Variants in BEND3 observed in about 807,000 individuals in gnomAD.
The protein encoded by BEND3 is BEN domain containing 3.
A neutral mutation model predicts 60.1 loss-of-function variants in BEND3; 13 were observed. That is an observed-to-expected ratio of 0.22 (90% CI 0.14 to 0.34). The LOEUF is 0.34. Ranked by LOEUF, BEND3 falls within the 10% of genes least tolerant of loss-of-function variation. The pLI, the probability that BEND3 is intolerant of heterozygous loss-of-function variation, is 1.00. For missense variants in BEND3, 896 were observed against 1,138.1 expected, an observed-to-expected ratio of 0.79 and a Z score of 3.06; for synonymous variants, 497 against 491.5, an observed-to-expected ratio of 1.01 and a Z score of -0.15.
intron 3 of BEND3, among the ~76,000 whole-genome samples, chr6:107,074,673 T>C (rs1775063044): frequency 6.6e-6 from 1 of 152,124 alleles, no homozygotes; most frequent in Admixed American, 6.6e-5. Flanking sequence ...TCTGGCATTA[T>C]TTCTTTAAAA....
At chr6:107,098,152 T>G (rs782064767) in intron 3 of BEND3, among the ~76,000 whole-genome samples, 7 of 152,128 alleles carry the variant, frequency 4.6e-5, no homozygotes, top group Non-Finnish European at 4.4e-5. Context: ...TCTATTTAAA[T>G]AAGTGAATGA....
rs1167522961 is a variant in BEND3 at position 107,069,070 on chromosome 6, C to A, written c.2121G>T (p.Val707=). The change falls in exon 4 of 4, where the codon GTG becomes GTT. Residue 707 remains valine (V), a synonymous_variant. Coordinates refer to ENST00000369042, the MANE Select transcript of BEND3 (RefSeq NM_001367314.1). The stretch of plus-strand genomic sequence containing the variant: ...GCACCGGGAAGTCAGGCGAGGGGAC[C>A]ACCAGCTCGTCCAAGGGGATCTTGC... ...DFCKIPLDEL[V]VPSPDFPVPS... 1.2e-6 allele frequency: 2 copies of A among 1,613,326 alleles called. No individual in the cohort carries two copies. Among genetic ancestry groups the A allele is most frequent in the Admixed American group, 1.7e-5 (1 of 60,004 alleles).
chr6:107,079,812 G>T (rs1775185838), intron 3 of BEND3, among the ~76,000 whole-genome samples: 1 of 151,980 alleles, frequency 6.6e-6, no homozygotes. Context: ...TAACTCGTTT[G>T]TTTTATGGAT....
chr6:107,094,189 T>C (rs1361874516), intron 3 of BEND3, among the ~76,000 whole-genome samples: 2 of 151,382 alleles, frequency 1.3e-5, no homozygotes, highest in South Asian at 2.1e-4. Context: ...CTGGGCAACA[T>C]AGCAAGATGC....
intron 3 of BEND3, among the ~76,000 whole-genome samples, chr6:107,097,405 A>G (rs969112678): frequency 6.6e-6 from 1 of 151,962 alleles, no homozygotes; most frequent in Non-Finnish European, 1.5e-5. Flanking sequence ...CAAATAAATT[A>G]GAGAAACAAG....
chr6:107,093,627 G>C (rs1554235554), intron 3 of BEND3, among the ~76,000 whole-genome samples: 2 of 152,194 alleles, frequency 1.3e-5, no homozygotes, highest in African/African-American at 4.8e-5. Flanking sequence ...ACAGTCAACG[G>C]AAGCAATACG....
chr6:107,070,728 G>C lies in BEND3; in HGVS notation c.463C>G (p.Leu155Val). 1 of 1,613,908 alleles carries C rather than the reference G, an allele frequency of 6.2e-7. No homozygotes were observed. Among genetic ancestry groups the C allele is most frequent in the South Asian group, 1.1e-5 (1 of 91,072 alleles). ...PSGDLLNVYELFEKANASNSP... is the reference protein window; with the variant it reads ...PSGDLLNVYEVFEKANASNSP... ...TTGCTGGCGTTTGCCTTCTCAAAGA[G>C]CTCGTACACGTTTAGCAGGTCCCCC... The change falls in exon 4 of 4, where the codon CTC becomes GTC. Residue 155 changes from leucine (L) to valine (V), a missense_variant. This residue lies in a region of BEND3 where 846 missense variants were observed against 1,036.7 expected (regional missense o/e 0.82). Transcript: ENST00000369042. The surrounding 1 kb of genome is among the most constrained non-coding windows in gnomAD (Gnocchi z 6.9).
chr6:107,086,257 C>T (rs997171496), intron 3 of BEND3, among the ~76,000 whole-genome samples: 35 of 152,186 alleles, frequency 2.3e-4, no homozygotes, highest in African/African-American at 8.0e-4. Context: ...CTCATCCTGT[C>T]CCACTTAAGG....
At chr6:107,071,046 C>A in intron 3 of BEND3, 96 bp from the exon 4 acceptor site, 3 of 1,209,920 alleles carry the variant, frequency 2.5e-6, no homozygotes, top group Non-Finnish European at 3.4e-6. Flanking sequence ...CCGAGGTCAA[C>A]CTTGGGAGCA....
intron 3 of BEND3, among the ~76,000 whole-genome samples, chr6:107,089,596 AAGG>A: frequency 8.5e-6 from 1 of 117,980 alleles, no homozygotes; most frequent in African/African-American, 2.8e-5. Context: ...GAAAAAAAAA[AAGG>A]ATTTTTTTTT....
In BEND3 at chr6:107,074,346, C is replaced by T. The variant is rs542495287; in HGVS notation, c.241-3396G>A. Reference sequence around the variant, plus strand: ...AGGAGAACTGCTTGAACCTGGGAGGCGGAGGTTGCAGTGAGCCAAGATCGT... The same window carrying T: ...AGGAGAACTGCTTGAACCTGGGAGGTGGAGGTTGCAGTGAGCCAAGATCGT... On this transcript the variant is annotated intron_variant, in intron 3 of 3. Coordinates refer to ENST00000369042, the MANE Select transcript of BEND3 (RefSeq NM_001367314.1). Among the ~76,000 whole-genome samples the T allele has an allele frequency of 7.2e-5, 11 of 152,074 alleles. No individual in the cohort carries two copies. The East Asian group carries it at 1.4e-3, about 19-fold the overall frequency.
chr6:107,077,942 G>A (rs372629369), intron 3 of BEND3, among the ~76,000 whole-genome samples: 24 of 151,766 alleles, frequency 1.6e-4, no homozygotes, highest in African/African-American at 5.6e-4. Context: ...AAAAATAAAC[G>A]AAAAACCCCA....
In BEND3 at chr6:107,066,944, C is replaced by G. The variant is rs1319302350; in HGVS notation, c.*1760G>C. ...TCACTTCAGCTTTTAGTAAGCAGTG[C>G]GTGTGTGCATGAGTAGCTGTGTAAG... is the stretch of plus-strand genomic sequence containing the variant. On this transcript the variant is annotated 3_prime_UTR_variant, in exon 4 of 4. Coordinates refer to ENST00000369042, the MANE Select transcript of BEND3 (RefSeq NM_001367314.1). The G allele has an allele frequency of 6.6e-6, 1 of 152,108 alleles. No individual in the cohort carries two copies. The highest frequency in any genetic ancestry group is 1.5e-5 in the Non-Finnish European group (1 of 68,010). The allele number at this position is 152,108 out of a possible 1,614,324, so 9.4% of individuals were successfully genotyped here. A position where few individuals can be genotyped will look rare whatever the true frequency, so the allele number is the denominator to read the frequency against.
intron 3 of BEND3, among the ~76,000 whole-genome samples, chr6:107,074,283 C>T (rs1465321861): frequency 6.6e-6 from 1 of 151,772 alleles, no homozygotes; most frequent in Admixed American, 6.6e-5. Context: ...GGTGTGGTGG[C>T]GCGTGCTTGT....
chr6:107,088,082 C>G (rs1483618160), intron 3 of BEND3, among the ~76,000 whole-genome samples: 2 of 147,762 alleles, frequency 1.4e-5, no homozygotes. Context: ...GCAATCTTGG[C>G]TCACTGCAGC....
At chr6:107,103,465 G>A (rs1775742184) in intron 1 of BEND3, among the ~76,000 whole-genome samples, 1 of 152,136 alleles carries the variant, frequency 6.6e-6, no homozygotes, top group African/African-American at 2.4e-5. Flanking sequence ...CATTCCCTTT[G>A]CCTCCTGGAC....
chr6:107,087,054 A>C (rs1363918346), intron 3 of BEND3, among the ~76,000 whole-genome samples: 2 of 151,150 alleles, frequency 1.3e-5, no homozygotes, highest in Non-Finnish European at 2.9e-5. Flanking sequence ...AAAAGAAAAA[A>C]AAACTACAAG....
intron 3 of BEND3, among the ~76,000 whole-genome samples, chr6:107,085,826 G>A (rs377729510): frequency 2.0e-4 from 28 of 141,426 alleles, no homozygotes; most frequent in African/African-American, 5.6e-4. Flanking sequence ...TTGCTCTGTC[G>A]CCCAGGCTGG....
rs530958009 is a variant in BEND3 at position 107,070,287 on chromosome 6, G to A, written c.904C>T (p.Leu302=). Residue 302 remains leucine, a synonymous_variant, in exon 4 of 4, where the codon CTG becomes TTG. Transcript: ENST00000369042. The surrounding 1 kb of genome is among the most constrained non-coding windows in gnomAD (Gnocchi z 6.9). The stretch of plus-strand genomic sequence containing the variant: ...TAGTTGCGGATGAGCTGCAGGTGCA[G>A]CGACTCCAGCTTGCGCTTGGCCGCA... The part of the protein sequence containing the change: ...GFAAKRKLES[L]HLQLIRNYVE... 3.1e-5 allele frequency: 50 copies of A among 1,613,094 alleles called. No homozygotes were observed. The Admixed American group carries it at 5.8e-4, about 19-fold the overall frequency.
Sources: allele counts gnomAD v4.1 joint callset (sites outside exome capture counted in the v4.1 genomes callset), GRCh38; gene constraint gnomAD v4.1.1; regional missense constraint gnomAD v4.1.1; non-coding constraint Gnocchi (gnomAD v3.1); transcripts MANE v1.5; gene names NCBI Gene and HGNC (gene_info 2026-07-23, HGNC 2026-07-21).